The following VWA8 variants were observed in gnomAD, a reference collection of about 807,000 sequenced individuals.
VWA8 encodes the protein von Willebrand factor A domain-containing protein 8.
A neutral mutation model predicts 241.5 loss-of-function variants in VWA8; 221 were observed. The observed-to-expected ratio is 0.91, with a 90% CI of 0.82 to 1.02. VWA8 has a LOEUF of 1.02. VWA8 is among the 50% of genes least tolerant of loss of function. VWA8 has a pLI of 0.00. For synonymous variants in VWA8, 852 were observed against 827.1 expected (o/e 1.03, Z -0.52); for missense variants, 2,322 against 2,328.7 (o/e 1.00, Z 0.06).
chr13:41,820,035 T>G (rs776333598), intron 14 of VWA8, among the ~76,000 whole-genome samples: 3 of 152,216 alleles, frequency 2.0e-5, no homozygotes, highest in African/African-American at 7.2e-5. Flanking sequence ...TGAGGAAGCA[T>G]GTAAATTTTC....
chr13:41,834,412 C>T (rs765847849), intron 12 of VWA8, among the ~76,000 whole-genome samples: 2 of 152,188 alleles, frequency 1.3e-5, no homozygotes, highest in Non-Finnish European at 2.9e-5. Context: ...AAATTCTTGG[C>T]TACACACTCC....
intron 37 of VWA8, among the ~76,000 whole-genome samples, chr13:41,641,028 AT>A (rs1187332698): frequency 2.0e-5 from 3 of 152,068 alleles, no homozygotes; most frequent in Non-Finnish European, 2.9e-5. Flanking sequence ...TTCTGTCCTG[AT>A]TTCCGATAAC....
At chr13:41,623,662 T>A (rs1377479626) in intron 37 of VWA8, among the ~76,000 whole-genome samples, 1 of 152,192 alleles carries the variant, frequency 6.6e-6, no homozygotes, top group Non-Finnish European at 1.5e-5. Context: ...AATGTATTCA[T>A]TCACTCATAC....
intron 20 of VWA8, among the ~76,000 whole-genome samples, chr13:41,771,387 G>T (rs61964899): frequency 2.0e-5 from 3 of 150,148 alleles, no homozygotes; most frequent in Admixed American, 6.6e-5. Flanking sequence ...CCTCCCAAAG[G>T]GCTGGGATTA....
intron 9 of VWA8, among the ~76,000 whole-genome samples, chr13:41,871,754 C>T (rs1169959481): frequency 1.3e-5 from 2 of 152,002 alleles, no homozygotes; most frequent in Non-Finnish European, 2.9e-5. Flanking sequence ...TGAATAGTGC[C>T]GCAATAAACA....
At chr13:41,943,845 G>A (rs922480779) in intron 2 of VWA8, among the ~76,000 whole-genome samples, 11 of 152,116 alleles carry the variant, frequency 7.2e-5, no homozygotes, top group African/African-American at 2.4e-4. Flanking sequence ...GCTCATGCCC[G>A]TAATACCAGC....
rs139973849 is a variant in VWA8, at chr13:41,819,368, A to G, written c.1719T>C (p.His573=). The part of the protein sequence containing the change: ...QLQKRSIFPI[H]PSFRIIALAE... ...CCAAGGCAATGATTCTGAAGGAGGG[A>G]TGGATAGGAAAAATGGATCTAAAAT... Residue 573 remains histidine (H), a synonymous_variant, in exon 15 of 45, where the codon CAT becomes CAC. Coordinates refer to ENST00000379310, the MANE Select transcript of VWA8 (RefSeq NM_015058.2). 6.2e-7 allele frequency: 1 copy of G among 1,602,630 alleles called. No homozygotes were observed. The highest frequency in any genetic ancestry group is 1.3e-5 in the African/African-American group (1 of 74,188).
intron 14 of VWA8, among the ~76,000 whole-genome samples, chr13:41,824,020 G>C (rs1368793540): frequency 6.6e-6 from 1 of 152,150 alleles, no homozygotes; most frequent in Non-Finnish European, 1.5e-5. Flanking sequence ...TAGCTCAGAA[G>C]GTCAACTAAA....
chr13:41,730,822 G>T (rs957527343), intron 22 of VWA8, among the ~76,000 whole-genome samples: 8 of 151,738 alleles, frequency 5.3e-5, no homozygotes, highest in Non-Finnish European at 1.0e-4. Context: ...CACAGATTAA[G>T]AAATGGGCAT....
intron 14 of VWA8, 43 bp from the exon 15 acceptor site, chr13:41,819,429 T>G: frequency 6.4e-7 from 1 of 1,568,476 alleles, no homozygotes; most frequent in Non-Finnish European, 8.6e-7. Context: ...ATATCTTTCA[T>G]GTAAGAAATC....
intron 40 of VWA8, among the ~76,000 whole-genome samples, chr13:41,601,949 C>A (rs552325423): frequency 3.7e-4 from 56 of 152,140 alleles, no homozygotes; most frequent in Non-Finnish European, 6.9e-4. Context: ...AAGGAAACAC[C>A]CATGGTTACT....
intron 14 of VWA8, among the ~76,000 whole-genome samples, chr13:41,826,571 C>A (rs528048365): frequency 6.6e-6 from 1 of 152,100 alleles, no homozygotes; most frequent in East Asian, 1.9e-4. Context: ...ATGGGAGAAA[C>A]ATGAAACTGA....
chr13:41,926,749 C>T (rs1351362829), intron 2 of VWA8: 4 of 539,852 alleles, frequency 7.4e-6, no homozygotes, highest in East Asian at 9.9e-5. Flanking sequence ...TCACCCCACC[C>T]TTCCAGAGAA....
intron 40 of VWA8, among the ~76,000 whole-genome samples, chr13:41,591,038 A>T (rs1383328995): frequency 6.6e-6 from 1 of 152,222 alleles, no homozygotes; most frequent in African/African-American, 2.4e-5. Flanking sequence ...CTGGAAATAT[A>T]ATAATGGGGG....
chr13:41,739,248 CAA>C (rs1187495952), intron 21 of VWA8, among the ~76,000 whole-genome samples: 1 of 152,062 alleles, frequency 6.6e-6, no homozygotes, highest in Non-Finnish European at 1.5e-5. Flanking sequence ...GATTAAATAT[CAA>C]AAGACATTTT....
chr13:41,927,241 T>G (rs952444178), intron 2 of VWA8: 1 of 483,106 alleles, frequency 2.1e-6, no homozygotes, highest in Non-Finnish European at 4.2e-6. Flanking sequence ...CTCAAAAGAT[T>G]CCAACAACAT....
At chr13:41,633,054 T>C (rs1401192113) in intron 37 of VWA8, among the ~76,000 whole-genome samples, 1 of 152,184 alleles carries the variant, frequency 6.6e-6, no homozygotes, top group Non-Finnish European at 1.5e-5. Flanking sequence ...CTGGCTCCGA[T>C]ACAGAGTATG....
At chr13:41,900,277 AAGG>A (rs1875362817) in intron 4 of VWA8, among the ~76,000 whole-genome samples, 1 of 152,200 alleles carries the variant, frequency 6.6e-6, no homozygotes, top group Non-Finnish European at 1.5e-5. Flanking sequence ...CTTTCTTAAA[AAGG>A]AGCAATATAT....
intron 2 of VWA8, among the ~76,000 whole-genome samples, chr13:41,914,962 G>A (rs1438788568): frequency 6.6e-6 from 1 of 152,080 alleles, no homozygotes; most frequent in Non-Finnish European, 1.5e-5. Context: ...TTTTGACCTT[G>A]GAACCATAAT....
Sources: gnomAD v4.1 joint callset for allele counts (sites outside exome capture counted in the v4.1 genomes callset) on GRCh38, gnomAD v4.1.1 for gene constraint, MANE v1.5 for transcripts, NCBI Gene and HGNC (gene_info 2026-07-23, HGNC 2026-07-21) for gene names.